Variants in ASIC2 observed in about 807,000 individuals in gnomAD.
The protein encoded by ASIC2 is acid-sensing ion channel 2.
Under a neutral mutation model 57.3 loss-of-function variants are expected in ASIC2, and 25 were observed. The observed-to-expected ratio is 0.44, with a 90% CI of 0.32 to 0.61. The LOEUF (loss-of-function observed/expected upper bound fraction) is 0.61, where lower values mean the gene tolerates loss of function less well. Ranked by LOEUF, ASIC2 falls within the 20% of genes least tolerant of loss-of-function variation. ASIC2 has a pLI of 0.06. For synonymous variants in ASIC2, 319 were observed against 307.5 expected (o/e 1.04, Z -0.39); for missense variants, 641 against 738.1 (o/e 0.87, Z 1.52).
At chr17:34,066,697 A>AGCTGGCTGGGACCTCTCC (rs1442895273) in intron 1 of ASIC2, among the ~76,000 whole-genome samples, 1 of 152,220 alleles carries the variant, frequency 6.6e-6, no homozygotes, top group Admixed American at 6.5e-5. Flanking sequence ...TGGAGTCAGA[A>AGCTGGCTGGGACCTCTCC]GCTGGCTGGG....
intron 1 of ASIC2, among the ~76,000 whole-genome samples, chr17:33,135,239 C>T (rs1385155066): frequency 6.6e-6 from 1 of 152,144 alleles, no homozygotes; most frequent in Non-Finnish European, 1.5e-5. Context: ...CCCGCTGTCT[C>T]ATCCCTCCAT....
At chr17:33,017,573 G>A (rs747231354) in intron 8 of ASIC2, 32 bp downstream of exon 8, 22 of 1,585,714 alleles carry the variant, frequency 1.4e-5, no homozygotes, top group Non-Finnish European at 2.6e-6. Flanking sequence ...CCAGCATGCG[G>A]TCATTTCCCT....
rs60183644 is a variant in ASIC2 at position 33,032,440 on chromosome 17, GTTTTTTTTT to G, written c.988-4057_988-4049del. ...TCTGTTATAAGCACTATAATACACT[GTTTTTTTTT>G]TTTTTTTTTTTTTTTTTGAGACAAA... On this transcript the variant is annotated intron_variant, in intron 3 of 9. Transcript: ENST00000225823. 6.4e-3 allele frequency among the ~76,000 whole-genome samples: 603 copies of G among 94,064 alleles called. 5 individuals carry two copies. Among genetic ancestry groups the G allele is most frequent in the Admixed American group, 0.011 (99 of 9,244 alleles). 61.7% of individuals were successfully genotyped at this position (94,064 alleles called of 152,430 possible).
At chr17:33,490,708 C>T (rs1442339350) in intron 1 of ASIC2, among the ~76,000 whole-genome samples, 2 of 152,196 alleles carry the variant, frequency 1.3e-5, no homozygotes, top group Admixed American at 6.5e-5. Flanking sequence ...TCAATTAAAC[C>T]TCTTTCCTTT....
chr17:33,820,856 T>G (rs1313012980), intron 1 of ASIC2, among the ~76,000 whole-genome samples: 1 of 152,212 alleles, frequency 6.6e-6, no homozygotes, highest in Admixed American at 6.5e-5. Context: ...TATTTCCTTT[T>G]ACTTCACTTA....
At chr17:33,406,532 GT>G (rs1198316822) in intron 1 of ASIC2, among the ~76,000 whole-genome samples, 1 of 152,202 alleles carries the variant, frequency 6.6e-6, no homozygotes, top group Non-Finnish European at 1.5e-5. Flanking sequence ...CTTATTAGCT[GT>G]GTGTCCCTGT....
chr17:33,836,462 A>T (rs1567729806), intron 1 of ASIC2, among the ~76,000 whole-genome samples: 1 of 152,144 alleles, frequency 6.6e-6, no homozygotes, highest in Non-Finnish European at 1.5e-5. Context: ...AATTACAGGC[A>T]TGAGCCTCTG....
intron 1 of ASIC2, among the ~76,000 whole-genome samples, chr17:33,957,101 G>A (rs1470025016): frequency 6.6e-6 from 1 of 152,192 alleles, no homozygotes; most frequent in Non-Finnish European, 1.5e-5. Flanking sequence ...TTTGGGGTTG[G>A]TAATGACCTC....
intron 1 of ASIC2, among the ~76,000 whole-genome samples, chr17:33,641,544 C>A (rs1022897438): frequency 1.3e-5 from 2 of 152,240 alleles, no homozygotes; most frequent in African/African-American, 4.8e-5. Flanking sequence ...CTTGAACCAA[C>A]ATTCCAGACT....
chr17:33,780,552 G>T (rs9916849), intron 1 of ASIC2, among the ~76,000 whole-genome samples: 1 of 152,204 alleles, frequency 6.6e-6, no homozygotes, highest in Non-Finnish European at 1.5e-5. Context: ...ACAGCCAAAG[G>T]GACCTGAGTT....
At chr17:33,353,600 A>G (rs1418355279) in intron 1 of ASIC2, among the ~76,000 whole-genome samples, 2 of 152,048 alleles carry the variant, frequency 1.3e-5, no homozygotes, top group Non-Finnish European at 2.9e-5. Context: ...CAGACTCCCA[A>G]ATTTTGGAAT....
intron 1 of ASIC2, among the ~76,000 whole-genome samples, chr17:33,348,080 TGA>T (rs1440161983): frequency 6.6e-6 from 1 of 152,198 alleles, no homozygotes. Flanking sequence ...CCAGCCTGTG[TGA>T]CAGTGAGGCT....
At chr17:33,104,170 C>T (rs1306671192) in intron 2 of ASIC2, among the ~76,000 whole-genome samples, 2 of 152,176 alleles carry the variant, frequency 1.3e-5, no homozygotes, top group African/African-American at 4.8e-5. Context: ...TTCTCCCATC[C>T]TCTTTGTCCT....
intron 1 of ASIC2, among the ~76,000 whole-genome samples, chr17:33,607,622 A>C (rs1156235657): frequency 6.6e-6 from 1 of 152,166 alleles, no homozygotes; most frequent in Non-Finnish European, 1.5e-5. Context: ...CATCTCCCCG[A>C]TGAGGGAAAC....
intron 1 of ASIC2, among the ~76,000 whole-genome samples, chr17:33,436,853 CTTTTTTTT>C (rs71144877): frequency 0.05 from 3,306 of 65,644 alleles, 20 homozygotes; most frequent in Middle Eastern, 0.12. Flanking sequence ...ATTCCAACTT[CTTTTTTTT>C]TTTTTTTTTT....
At chr17:34,011,725 G>A (rs1048127214) in intron 1 of ASIC2, among the ~76,000 whole-genome samples, 4 of 152,112 alleles carry the variant, frequency 2.6e-5, no homozygotes, top group Non-Finnish European at 5.9e-5. Flanking sequence ...CAAATCAAAT[G>A]CACTCCTTTT....
intron 1 of ASIC2, among the ~76,000 whole-genome samples, chr17:33,523,366 C>A (rs1256448669): frequency 2.0e-5 from 3 of 152,282 alleles, no homozygotes; most frequent in African/African-American, 7.2e-5. Context: ...AAGCAATTCT[C>A]GTGCCTCAGC....
At chr17:33,568,583 C>A (rs1041239758) in intron 1 of ASIC2, among the ~76,000 whole-genome samples, 1 of 152,130 alleles carries the variant, frequency 6.6e-6, no homozygotes, top group Non-Finnish European at 1.5e-5. Flanking sequence ...CATTCACGAC[C>A]CTCGAGCAGA....
intron 1 of ASIC2, among the ~76,000 whole-genome samples, chr17:33,288,693 CAG>C (rs1222489592): frequency 6.7e-6 from 1 of 148,996 alleles, no homozygotes; most frequent in African/African-American, 2.5e-5. Flanking sequence ...AGGAGCTCAG[CAG>C]AGTTTTCAGA....
Sources: allele counts gnomAD v4.1 joint callset (sites outside exome capture counted in the v4.1 genomes callset), GRCh38; gene constraint gnomAD v4.1.1; transcripts MANE v1.5; gene names NCBI Gene and HGNC (gene_info 2026-07-23, HGNC 2026-07-21).